Variants in PPFIBP2 observed in about 807,000 individuals in gnomAD.
The protein encoded by PPFIBP2 is PPFIB scaffold protein 2.
PPFIBP2 carries 118 observed loss-of-function variants against 118.3 expected under a neutral mutation model. The observed-to-expected ratio is 1.00, with a 90% CI of 0.86 to 1.16. PPFIBP2 has a LOEUF of 1.16. Ranked by LOEUF, PPFIBP2 falls within the 50% of genes most tolerant of loss-of-function variation. The pLI is 0.00. For synonymous variants in PPFIBP2, 414 were observed against 397.4 expected, an observed-to-expected ratio of 1.04 and a Z score of -0.50; for missense variants, 1,195 against 1,073.1, an observed-to-expected ratio of 1.11 and a Z score of -1.59.
At position 7,635,579 on chromosome 11, in the gene PPFIBP2, GT is replaced by G. The variant is rs758658661; in HGVS notation, c.1223del (p.Val408GlyfsTer2). The part of the protein sequence containing the change: ...KCMDGNQPFP[V>X]LEPKDSPFLA... ...TATGGATGGGAACCAGCCCTTCCCG[GT>G]GTTAGAACCCAAGGTACATTGACTT... is the stretch of plus-strand genomic sequence containing the variant. On this transcript the variant is annotated frameshift_variant, in exon 14 of 24. Transcript: ENST00000299492. LOFTEE classifies it high-confidence loss of function. 1 of 1,610,328 alleles carries G rather than the reference GT, an allele frequency of 6.2e-7. No homozygotes were observed. The highest frequency in any genetic ancestry group is 2.2e-5 in the East Asian group (1 of 44,870).
At chr11:7,610,460 G>A (rs1328564166) in intron 6 of PPFIBP2, 38 bp downstream of exon 6, 2 of 1,600,498 alleles carry the variant, frequency 1.2e-6, no homozygotes, top group Admixed American at 3.3e-5. Flanking sequence ...CTCAGACCTG[G>A]GAAGGCTGTC....
At chr11:7,664,117 C>T in the PPFIBP2 span, among the ~76,000 whole-genome samples, 1 of 152,234 alleles carries the variant, frequency 6.6e-6, no homozygotes, top group Non-Finnish European at 1.5e-5. Context: ...CTGCGTCGCT[C>T]ACGCTGGGAG....
chr11:7,521,240 A>G (rs1241769560), intron 1 of PPFIBP2, among the ~76,000 whole-genome samples: 1 of 152,194 alleles, frequency 6.6e-6, no homozygotes, highest in Non-Finnish European at 1.5e-5. Flanking sequence ...ACCCTGTTCT[A>G]TGTTGCATAG....
chr11:7,536,178 G>C (rs1851194923), intron 1 of PPFIBP2, among the ~76,000 whole-genome samples: 1 of 152,186 alleles, frequency 6.6e-6, no homozygotes, highest in Non-Finnish European at 1.5e-5. Context: ...TTCTGAATCA[G>C]GGCTGTCACC....
chr11:7,578,402 T>C (rs1043431345), intron 3 of PPFIBP2, among the ~76,000 whole-genome samples: 1 of 152,158 alleles, frequency 6.6e-6, no homozygotes, highest in Non-Finnish European at 1.5e-5. Flanking sequence ...GATTTGACAT[T>C]GTAACTGCAG....
chr11:7,566,050 C>G (rs1228582918), intron 3 of PPFIBP2, among the ~76,000 whole-genome samples: 1 of 152,150 alleles, frequency 6.6e-6, no homozygotes, highest in Non-Finnish European at 1.5e-5. Flanking sequence ...CACACACACA[C>G]ACACACACCC....
At chr11:7,566,526 A>G (rs940683565) in intron 3 of PPFIBP2, among the ~76,000 whole-genome samples, 1 of 152,034 alleles carries the variant, frequency 6.6e-6, no homozygotes, top group African/African-American at 2.4e-5. Context: ...CACCTGGCTA[A>G]TTAAAAAAAA....
chr11:7,613,156 G>A (rs139966084), intron 6 of PPFIBP2, among the ~76,000 whole-genome samples: 52 of 152,234 alleles, frequency 3.4e-4, no homozygotes, highest in Non-Finnish European at 6.9e-4. Flanking sequence ...CTTAGCTCAG[G>A]CTTTATCCTC....
intron 1 of PPFIBP2, 109 bp from the exon 2 acceptor site, chr11:7,549,331 T>G: frequency 1.0e-6 from 1 of 996,940 alleles, no homozygotes; most frequent in Middle Eastern, 2.6e-4. Context: ...CTACTATGAT[T>G]CTTATGAAAA....
downstream of PPFIBP2, among the ~76,000 whole-genome samples, chr11:7,661,445 C>T (rs1179903624): frequency 2.6e-5 from 4 of 151,794 alleles, no homozygotes; most frequent in South Asian, 4.2e-4. Context: ...AGTTTCCATG[C>T]AGTCGGGTGG....
At chr11:7,656,185 C>T (rs972777739), downstream of PPFIBP2, among the ~76,000 whole-genome samples, 3 of 152,342 alleles carry the variant, frequency 2.0e-5, no homozygotes, top group Admixed American at 2.0e-4. Context: ...AGGCCAGCCA[C>T]AGAGCACAGG....
In PPFIBP2 at chr11:7,610,547, A is replaced by T. The variant is rs1264854928; in HGVS notation, c.618+125A>T. On this transcript the variant is annotated intron_variant, in intron 6 of 23. Coordinates refer to ENST00000299492, the MANE Select transcript of PPFIBP2 (RefSeq NM_003621.5). ...TGCCAGAAATATCTATACACTAGAG[A>T]TGCAGTGATCTGTTAATACCAAGTT... 4.5e-6 allele frequency: 6 copies of T among 1,324,578 alleles called. No homozygotes were observed. The East Asian group carries it at 9.4e-5, about 21-fold the overall frequency. The allele number at this position is 1,324,578 out of a possible 1,614,324, so 82.1% of individuals were successfully genotyped here.
chr11:7,551,855 G>T (rs1853035693), intron 2 of PPFIBP2, among the ~76,000 whole-genome samples: 1 of 152,200 alleles, frequency 6.6e-6, no homozygotes, highest in Non-Finnish European at 1.5e-5. Flanking sequence ...ACATTATGTG[G>T]CTGGATCCTT....
At position 7,628,286 on chromosome 11, in the gene PPFIBP2, C is replaced by G. The variant is rs144019329; in HGVS notation, c.828C>G (p.Asp276Glu). The change falls in exon 9 of 24, where the codon GAC becomes GAG. Residue 276 changes from aspartate to glutamate, a missense_variant and splice_region_variant. Coordinates refer to ENST00000299492, the MANE Select transcript of PPFIBP2 (RefSeq NM_003621.5). ...ALHSESHTER[D>E]QEIQRLKMGM... ...ATTTCTATACCTGAATTCTTTTAGA[C>G]CAAGAAATTCAACGTCTGAAAATGG... 1.8e-5 allele frequency: 29 copies of G among 1,612,910 alleles called. No homozygotes were observed. Among genetic ancestry groups the G allele is most frequent in the Non-Finnish European group, 2.5e-5 (29 of 1,179,234 alleles).
chr11:7,516,680 C>T (rs1433869362), intron 1 of PPFIBP2, among the ~76,000 whole-genome samples: 1 of 152,154 alleles, frequency 6.6e-6, no homozygotes, highest in Non-Finnish European at 1.5e-5. Flanking sequence ...AGAAGTGTCT[C>T]AGTCTGATGT....
chr11:7,639,739 C>A lies in PPFIBP2; in HGVS notation c.1244C>A (p.Pro415His), dbSNP rs949952828. The change falls in exon 15 of 24, where the codon CCT becomes CAT. Residue 415 changes from proline to histidine, a missense_variant. Coordinates refer to ENST00000299492, the MANE Select transcript of PPFIBP2 (RefSeq NM_003621.5). ...TCTCTCACCTTCCAATAGGACAGCCCTTTCTTGGCGGAGCACAAATATCCC... is the reference window on the plus strand; with the variant it reads ...TCTCTCACCTTCCAATAGGACAGCCATTTCTTGGCGGAGCACAAATATCCC... ...PFPVLEPKDS[P>H]FLAEHKYPTL... 1.9e-6 allele frequency: 3 copies of A among 1,614,024 alleles called. No individual in the cohort carries two copies. In the African/African-American group the frequency reaches 4.0e-5, roughly 22 times the overall value.
intron 5 of PPFIBP2, among the ~76,000 whole-genome samples, chr11:7,609,444 T>G (rs187730216): frequency 6.6e-6 from 1 of 152,350 alleles, no homozygotes; most frequent in East Asian, 1.9e-4. Flanking sequence ...AAAATATGTT[T>G]CCCTGGACTT....
chr11:7,660,072 T>C (rs1436211232), downstream of PPFIBP2, among the ~76,000 whole-genome samples: 2 of 124,494 alleles, frequency 1.6e-5, no homozygotes, highest in Non-Finnish European at 1.9e-5. Flanking sequence ...GTTTTCTAGA[T>C]ATACAATCAT....
intron 3 of PPFIBP2, among the ~76,000 whole-genome samples, chr11:7,577,793 T>C (rs1191576971): frequency 1.3e-5 from 2 of 152,118 alleles, no homozygotes; most frequent in African/African-American, 2.4e-5. Flanking sequence ...AATCTAATTA[T>C]AGACACCAGG....
Sources: allele counts gnomAD v4.1 joint callset (sites outside exome capture counted in the v4.1 genomes callset), GRCh38; gene constraint gnomAD v4.1.1; transcripts MANE v1.5; gene names NCBI Gene and HGNC (gene_info 2026-07-23, HGNC 2026-07-21).